The following JAK1 variants were observed in gnomAD, a reference collection of about 807,000 sequenced individuals.
JAK1 encodes tyrosine-protein kinase JAK1.
JAK1 carries 16 observed loss-of-function variants against 136.6 expected under a neutral mutation model. The ratio of observed to expected loss-of-function variants is 0.12; its 90% CI spans 0.08 to 0.18. The LOEUF is 0.18. JAK1 is among the 10% of genes least tolerant of loss of function. JAK1 has a pLI of 1.00. For synonymous variants in JAK1, 492 were observed against 519.5 expected (o/e 0.95, Z 0.72); for missense variants, 859 against 1,450.1 (o/e 0.59, Z 6.62).
intron 2 of JAK1, among the ~76,000 whole-genome samples, chr1:64,983,209 G>A (rs1646565974): frequency 6.6e-6 from 1 of 152,128 alleles, no homozygotes; most frequent in Non-Finnish European, 1.5e-5. Context: ...CCAGAGCAAA[G>A]TGACAGTGCA....
At chr1:65,048,844 T>C (rs1252122043) in intron 1 of JAK1, among the ~76,000 whole-genome samples, 1 of 152,152 alleles carries the variant, frequency 6.6e-6, no homozygotes, top group East Asian at 1.9e-4. Flanking sequence ...GTTGAACTTT[T>C]TCTCATGGGA....
chr1:64,870,999 T>G (rs1429381252), intron 5 of JAK1, among the ~76,000 whole-genome samples: 4 of 152,110 alleles, frequency 2.6e-5, no homozygotes, highest in Non-Finnish European at 2.9e-5. Flanking sequence ...ACGCCATGCT[T>G]ATTCTTCAAG....
At chr1:65,017,751 T>C (rs985690841) in intron 2 of JAK1, among the ~76,000 whole-genome samples, 6 of 151,614 alleles carry the variant, frequency 4.0e-5, no homozygotes, top group Admixed American at 6.6e-5. Flanking sequence ...ATTAAAACCA[T>C]GCTTTTAAAT....
At chr1:64,853,291 G>A (rs1322949865) in intron 11 of JAK1, among the ~76,000 whole-genome samples, 4 of 152,158 alleles carry the variant, frequency 2.6e-5, no homozygotes, top group African/African-American at 9.7e-5. Context: ...CAGGAGAATT[G>A]GTGCCTGCTC....
chr1:65,058,562 C>G lies in JAK1; in HGVS notation c.-181+9042G>C, dbSNP rs1569968894. 6 of 524,778 alleles carry G rather than the reference C, an allele frequency of 1.1e-5. No individual in the cohort carries two copies. In the East Asian group the frequency reaches 3.3e-4, roughly 29 times the overall value. The allele number at this position is 524,778 out of a possible 1,614,324, so 32.5% of individuals were successfully genotyped here. ...CATCCTTTCTGGTGGCTGCATTACTCTCTCTGAAGGCTCCCCATGAAGTGA... is the reference window on the plus strand; with the variant it reads ...CATCCTTTCTGGTGGCTGCATTACTGTCTCTGAAGGCTCCCCATGAAGTGA... On this transcript the variant is annotated intron_variant, in intron 1 of 25. Coordinates refer to the JAK1 transcript ENST00000671954.
At chr1:64,885,960 T>A (rs571874077) in intron 2 of JAK1, among the ~76,000 whole-genome samples, 2 of 152,334 alleles carry the variant, frequency 1.3e-5, no homozygotes, top group African/African-American at 4.8e-5. Flanking sequence ...GCACAACATG[T>A]ATAATATGAT....
At chr1:65,011,293 T>A (rs929666602) in intron 2 of JAK1, among the ~76,000 whole-genome samples, 1 of 151,992 alleles carries the variant, frequency 6.6e-6, no homozygotes, top group Admixed American at 6.6e-5. Flanking sequence ...CTGAGCAACA[T>A]CATGAGACTT....
At chr1:64,879,507 C>T (rs980335701) in intron 3 of JAK1, among the ~76,000 whole-genome samples, 2 of 152,172 alleles carry the variant, frequency 1.3e-5, no homozygotes, top group African/African-American at 4.8e-5. Context: ...GCCTGATGTG[C>T]ACTTTGCTAA....
chr1:64,983,089 G>A (rs1268058008), intron 2 of JAK1, among the ~76,000 whole-genome samples: 1 of 152,184 alleles, frequency 6.6e-6, no homozygotes, highest in Non-Finnish European at 1.5e-5. Flanking sequence ...CAGCTAAAGG[G>A]TCTGAGATGT....
chr1:65,047,443 G>A (rs1251128199), intron 1 of JAK1, among the ~76,000 whole-genome samples: 1 of 152,176 alleles, frequency 6.6e-6, no homozygotes, highest in Non-Finnish European at 1.5e-5. Flanking sequence ...ACAAGGCTGG[G>A]CGCGATGGCT....
chr1:64,883,338 G>A lies in JAK1; in HGVS notation c.144C>T (p.Leu48=). ...CTGTGTACTCTCCACTGCCCAGCCG[G>A]AGGGGCTCCCTGTCCGACAGATAGA... is the stretch of plus-strand genomic sequence containing the variant. ...VIFYLSDREP[L]RLGSGEYTAE... The change falls in exon 3 of 25, where the codon CTC becomes CTT. Residue 48 remains leucine, a synonymous_variant. Coordinates refer to ENST00000342505, the MANE Select transcript of JAK1 (RefSeq NM_002227.4). The A allele has an allele frequency of 6.2e-7, 1 of 1,614,186 alleles. No homozygotes were observed. The highest frequency in any genetic ancestry group is 8.5e-7 in the Non-Finnish European group (1 of 1,180,018).
Position 64,833,384 on chromosome 1 carries a change from C to G in JAK1, c.*1178G>C, listed in dbSNP as rs1392442768. 1 of 232,690 alleles carries G rather than the reference C, an allele frequency of 4.3e-6. No homozygotes were observed. Among genetic ancestry groups the G allele is most frequent in the African/African-American group, 2.2e-5 (1 of 45,286 alleles). 14.4% of individuals were successfully genotyped at this position (232,690 alleles called of 1,614,324 possible). On this transcript the variant is annotated 3_prime_UTR_variant, in exon 25 of 25. Transcript: ENST00000342505. ...GAACCAATCCTGAATTTGGGCTCAA[C>G]AGGTGAAAAGTAACAATATCAAACG...
intron 1 of JAK1, among the ~76,000 whole-genome samples, chr1:64,916,526 A>G (rs1242883152): frequency 6.6e-6 from 1 of 152,178 alleles, no homozygotes; most frequent in East Asian, 1.9e-4. Flanking sequence ...TTCAAAAGCT[A>G]AAAAGGTTGG....
chr1:64,885,026 G>T (rs1644830727), intron 2 of JAK1, among the ~76,000 whole-genome samples: 1 of 152,196 alleles, frequency 6.6e-6, no homozygotes, highest in African/African-American at 2.4e-5. Flanking sequence ...AAATTCATTT[G>T]CTTGGTCTAT....
intron 4 of JAK1, among the ~76,000 whole-genome samples, chr1:64,875,525 A>G (rs1389271643): frequency 6.6e-6 from 1 of 152,262 alleles, no homozygotes; most frequent in Admixed American, 6.5e-5. Flanking sequence ...GATAAACAAA[A>G]GATGAATAAA....
chr1:64,930,951 G>A (rs188016866), intron 1 of JAK1, among the ~76,000 whole-genome samples: 6 of 148,966 alleles, frequency 4.0e-5, no homozygotes, highest in Admixed American at 2.7e-4. Context: ...TGAACAATGA[G>A]AACACATGGA....
intron 2 of JAK1, among the ~76,000 whole-genome samples, chr1:65,011,065 C>A (rs907313642): frequency 2.6e-5 from 4 of 151,984 alleles, no homozygotes; most frequent in African/African-American, 9.6e-5. Flanking sequence ...TTTTCTTTTT[C>A]ATTTTCATGT....
intron 1 of JAK1, among the ~76,000 whole-genome samples, chr1:64,889,707 A>G (rs2101343360): frequency 6.6e-6 from 1 of 152,356 alleles, no homozygotes; most frequent in South Asian, 2.1e-4. Flanking sequence ...AATTCCAGAA[A>G]TCTATCTGAA....
In JAK1 at chr1:64,885,961, A is replaced by G. The variant is rs570871957; in HGVS notation, c.6+298T>C. Among the ~76,000 whole-genome samples the G allele has an allele frequency of 2.0e-4, 30 of 152,356 alleles. 1 individual carries two copies. In the South Asian group the frequency reaches 5.4e-3, roughly 27 times the overall value. On this transcript the variant is annotated intron_variant, in intron 2 of 24. Transcript: ENST00000342505. ...ATGATCATGCATATGCACAACATGTATAATATGATTATGCACATGCATATT... is the reference window on the plus strand; with the variant it reads ...ATGATCATGCATATGCACAACATGTGTAATATGATTATGCACATGCATATT...
Sources: gnomAD v4.1 joint callset for allele counts (sites outside exome capture counted in the v4.1 genomes callset) on GRCh38, gnomAD v4.1.1 for gene constraint, MANE v1.5 for transcripts, NCBI Gene and HGNC (gene_info 2026-07-23, HGNC 2026-07-21) for gene names.